ARB2A: variants seen among roughly 807,000 people sequenced by gnomAD.
ARB2A encodes the protein cotranscriptional regulator ARB2A.
chr5:94,072,911 T>G, the ARB2A span, among the ~76,000 whole-genome samples: 1 of 152,044 alleles, frequency 6.6e-6, no homozygotes, highest in Non-Finnish European at 1.5e-5. Flanking sequence ...ACTACTTTCT[T>G]CCAGCATGCA....
the ARB2A span, among the ~76,000 whole-genome samples, chr5:93,902,052 G>C: frequency 1.3e-5 from 2 of 152,026 alleles, no homozygotes; most frequent in Admixed American, 6.6e-5. Flanking sequence ...GCAATCTGCA[G>C]AACTTCAAGT....
At chr5:93,819,060 C>T in the ARB2A span, among the ~76,000 whole-genome samples, 3 of 151,310 alleles carry the variant, frequency 2.0e-5, no homozygotes, top group East Asian at 3.9e-4. Flanking sequence ...GTGGCGCGTG[C>T]CTGTAGTCCC....
At chr5:93,850,708 A>G in the ARB2A span, among the ~76,000 whole-genome samples, 1 of 152,134 alleles carries the variant, frequency 6.6e-6, no homozygotes, top group Non-Finnish European at 1.5e-5. Context: ...TTTTGAAATC[A>G]TATCTAATGG....
chr5:93,744,564 A>G, the ARB2A span, among the ~76,000 whole-genome samples: 8 of 151,752 alleles, frequency 5.3e-5, no homozygotes, highest in African/African-American at 9.7e-5. Flanking sequence ...ACCAATGTGC[A>G]TATCTCCCAG....
chr5:93,654,845 G>A, the ARB2A span, among the ~76,000 whole-genome samples: 8 of 152,226 alleles, frequency 5.3e-5, no homozygotes, highest in East Asian at 3.9e-4. Flanking sequence ...AGATACTGCC[G>A]ATTACTTTCT....
the ARB2A span, among the ~76,000 whole-genome samples, chr5:93,843,771 CAGA>C: frequency 1.8e-4 from 27 of 151,894 alleles, no homozygotes; most frequent in African/African-American, 4.8e-4. Context: ...AGAAATCTCC[CAGA>C]AGAAGATATG....
the ARB2A span, among the ~76,000 whole-genome samples, chr5:93,820,396 T>C: frequency 6.6e-6 from 1 of 152,124 alleles, no homozygotes; most frequent in African/African-American, 2.4e-5. Flanking sequence ...ACAATAAAAG[T>C]GATGAAATCA....
the ARB2A span, among the ~76,000 whole-genome samples, chr5:93,633,667 T>A: frequency 3.3e-5 from 5 of 152,302 alleles, no homozygotes; most frequent in East Asian, 7.7e-4. Flanking sequence ...AGGCCCACAC[T>A]GACAAAAGCA....
chr5:93,762,837 A>G, the ARB2A span, among the ~76,000 whole-genome samples: 1 of 152,258 alleles, frequency 6.6e-6, no homozygotes, highest in African/African-American at 2.4e-5. Context: ...AGCCCATCAG[A>G]CTAACAGCGG....
At chr5:93,912,934 T>C in the ARB2A span, among the ~76,000 whole-genome samples, 8 of 152,058 alleles carry the variant, frequency 5.3e-5, no homozygotes, top group East Asian at 1.5e-3. Flanking sequence ...GCATACATAT[T>C]ACTTTGGAAA....
the ARB2A span, among the ~76,000 whole-genome samples, chr5:94,026,008 G>A: frequency 1.3e-5 from 2 of 152,316 alleles, no homozygotes; most frequent in African/African-American, 4.8e-5. Context: ...GCTCCATGTG[G>A]GGCCTGCAGC....
the ARB2A span, among the ~76,000 whole-genome samples, chr5:94,028,213 G>T: frequency 6.6e-6 from 1 of 152,072 alleles, no homozygotes; most frequent in Non-Finnish European, 1.5e-5. Context: ...CTGAGAAATG[G>T]CCCAGGTAAA....
the ARB2A span, among the ~76,000 whole-genome samples, chr5:93,947,959 G>A: frequency 6.6e-6 from 1 of 151,992 alleles, no homozygotes; most frequent in African/African-American, 2.4e-5. Context: ...TGTGAATAGT[G>A]CCGCAATAAA....
the ARB2A span, chr5:93,824,088 A>C: frequency 7.2e-7 from 1 of 1,384,360 alleles, no homozygotes; most frequent in African/African-American, 1.5e-5. Context: ...AACAGAAAGA[A>C]AGGAGAGGGG....
the ARB2A span, among the ~76,000 whole-genome samples, chr5:93,981,997 A>G: frequency 6.6e-6 from 1 of 152,142 alleles, no homozygotes; most frequent in African/African-American, 2.4e-5. Context: ...TACAAATAGA[A>G]AACATTACCT....
the ARB2A span, among the ~76,000 whole-genome samples, chr5:93,823,244 C>A: frequency 7.9e-5 from 12 of 152,254 alleles, no homozygotes; most frequent in African/African-American, 2.4e-4. Flanking sequence ...ATCACATTAA[C>A]CATGCTGGCC....
the ARB2A span, among the ~76,000 whole-genome samples, chr5:93,712,905 A>G: frequency 6.6e-6 from 1 of 152,140 alleles, no homozygotes; most frequent in Non-Finnish European, 1.5e-5. Context: ...AAACCCATAC[A>G]TCTACATTGA....
the ARB2A span, among the ~76,000 whole-genome samples, chr5:93,896,681 G>T: frequency 6.6e-6 from 1 of 151,868 alleles, no homozygotes. Context: ...AAGGAAAATG[G>T]AATTAACTAG....
chr5:93,796,260 T>C, the ARB2A span, among the ~76,000 whole-genome samples: 2 of 152,224 alleles, frequency 1.3e-5, no homozygotes, highest in Non-Finnish European at 2.9e-5. Context: ...TTTTATGCCC[T>C]CAAATGTTTC....
Sources: gnomAD v4.1 joint callset for allele counts (sites outside exome capture counted in the v4.1 genomes callset) on GRCh38, gnomAD v4.1.1 for gene constraint, MANE v1.5 for transcripts, NCBI Gene and HGNC (gene_info 2026-07-23, HGNC 2026-07-21) for gene names.